Variants in DNAJB2 observed in about 807,000 individuals in gnomAD.
DNAJB2 encodes the protein DnaJ heat shock protein family (Hsp40) member B2, also known as dnaJ homolog subfamily B member 2.
In DNAJB2, 19 loss-of-function variants were observed where a neutral mutation model predicts 33.3. The observed-to-expected ratio is 0.57, with a 90% CI of 0.40 to 0.84. The LOEUF is 0.84. Among genes scored for constraint, DNAJB2 ranks in the 40% least tolerant of loss-of-function variants. The pLI, the probability that DNAJB2 is intolerant of heterozygous loss-of-function variation, is 0.00. For synonymous variants in DNAJB2, 172 were observed against 164.6 expected, an observed-to-expected ratio of 1.04 and a Z score of -0.34; for missense variants, 368 against 430.9, an observed-to-expected ratio of 0.85 and a Z score of 1.29.
chr2:219,283,893 A>C (rs1247532001), intron 8 of DNAJB2, among the ~76,000 whole-genome samples: 1 of 152,120 alleles, frequency 6.6e-6, no homozygotes, highest in Non-Finnish European at 1.5e-5. Flanking sequence ...CTTCCAAGTA[A>C]GGAGTAGAGC....
rs1347280199 is a variant in DNAJB2 at position 219,281,873 on chromosome 2, T to A, written c.230-66T>A. 18 of 1,588,734 alleles carry A rather than the reference T, an allele frequency of 1.1e-5. No homozygotes were observed. The East Asian group carries it at 4.2e-4, about 37-fold the overall frequency. ...CTCTCTCAGGCTCCTGGCTGTGCCTTAGGTGAGGTCCCCCGCTCAGGGCAG... is the reference window on the plus strand; with the variant it reads ...CTCTCTCAGGCTCCTGGCTGTGCCTAAGGTGAGGTCCCCCGCTCAGGGCAG... On this transcript the variant is annotated intron_variant, in intron 4 of 8. Coordinates refer to ENST00000336576, the MANE Select transcript of DNAJB2 (RefSeq NM_006736.6).
intron 3 of DNAJB2, 83 bp downstream of exon 3, chr2:219,280,770 G>A (rs1951897849): frequency 9.8e-7 from 1 of 1,023,802 alleles, no homozygotes; most frequent in Admixed American, 2.3e-5. Flanking sequence ...CAATGTCTCT[G>A]CCACCTAGTT....
At chr2:219,283,347 T>C in intron 7 of DNAJB2, 72 bp from the exon 8 acceptor site, 1 of 1,606,310 alleles carries the variant, frequency 6.2e-7, no homozygotes, top group Non-Finnish European at 8.5e-7. Context: ...TCTACTGCGG[T>C]GGCCAGAACT....
At chr2:219,280,904 G>A (rs1361906477) in intron 3 of DNAJB2, 2 of 561,838 alleles carry the variant, frequency 3.6e-6, no homozygotes, top group Admixed American at 3.2e-5. Flanking sequence ...AGGAAGCAGG[G>A]CAGGTAACTC....
At chr2:219,282,099 C>G in intron 5 of DNAJB2, 38 bp downstream of exon 5, 1 of 1,613,914 alleles carries the variant, frequency 6.2e-7, no homozygotes, top group Non-Finnish European at 8.5e-7. Flanking sequence ...GGCTCAACTT[C>G]CCCCTCCAGG....
chr2:219,279,427 AGCAGCCGCGAGCCGGGCTGCGG>A lies in DNAJB2; in HGVS notation c.-126_-105del. On this transcript the variant is annotated 5_prime_UTR_variant, in exon 1 of 9. The change creates a premature stop within an existing upstream ORF in the 5' untranslated region. Transcript: ENST00000336576. This position sits in a 1 kb window ranked among gnomAD's most constrained non-coding sequence, Gnocchi z 4.9. ...CAGCTGGGCCGGGCGCGTCCTACGC[AGCAGCCGCGAGCCGGGCTGCGG>A]GTGCCAGACGGTTCCCGGCGGGGGG... The A allele has an allele frequency of 5.7e-6, 1 of 176,292 alleles. No individual in the cohort carries two copies. Among genetic ancestry groups the A allele is most frequent in the Non-Finnish European group, 1.2e-5 (1 of 83,686 alleles). The allele number at this position is 176,292 out of a possible 1,614,324, so 10.9% of individuals were successfully genotyped here.
At position 219,286,181 on chromosome 2, in the gene DNAJB2, G is replaced by A; in HGVS notation, c.*1194G>A. 2 of 724,096 alleles carry A rather than the reference G, an allele frequency of 2.8e-6. No homozygotes were observed. The highest frequency in any genetic ancestry group is 2.8e-5 in the East Asian group (1 of 36,248). 44.9% of individuals were successfully genotyped at this position (724,096 alleles called of 1,614,324 possible). A position where few individuals can be genotyped will look rare whatever the true frequency, so the allele number is the denominator to read the frequency against. ...CTTAGCCTGTGCACTCTCTTCCTTG[G>A]GTGTTTGGTGCTGGCTCCTGGGGAC... On this transcript the variant is annotated 3_prime_UTR_variant, in exon 9 of 9. Transcript: ENST00000336576.
Position 219,280,689 on chromosome 2 carries a change from T to A in DNAJB2, c.175+2T>A, listed in dbSNP as rs562669797. The A allele has an allele frequency of 1.2e-5, 19 of 1,608,840 alleles. No homozygotes were observed. In the Admixed American group the frequency reaches 3.2e-4, roughly 27 times the overall value. On this transcript the variant is annotated splice_donor_variant, in intron 3 of 8. Coordinates refer to ENST00000336576, the MANE Select transcript of DNAJB2 (RefSeq NM_006736.6). LOFTEE classifies it high-confidence loss of function. The stretch of plus-strand genomic sequence containing the variant: ...AGGCATATGAAGTGCTGTCTGACAG[T>A]AAGGGCCGGGGTCAGGCAGGACCCA...
In DNAJB2 at chr2:219,281,749, C is replaced by T; in HGVS notation, c.207C>T (p.Gly69=). ...AGCGGGAGATTTACGACCGCTATGGCCGGGAAGGGCTGACAGGGACAGGTA... is the reference window on the plus strand; with the variant it reads ...AGCGGGAGATTTACGACCGCTATGGTCGGGAAGGGCTGACAGGGACAGGTA... ...KHKREIYDRY[G]REGLTGTGTG... Residue 69 remains glycine, a synonymous_variant, in exon 4 of 9, where the codon GGC becomes GGT. Coordinates refer to ENST00000336576, the MANE Select transcript of DNAJB2 (RefSeq NM_006736.6). 1 of 1,613,980 alleles carries T rather than the reference C, an allele frequency of 6.2e-7. No individual in the cohort carries two copies. The highest frequency in any genetic ancestry group is 1.1e-5 in the South Asian group (1 of 91,082).
chr2:219,279,898 C>G lies in DNAJB2; in HGVS notation c.65C>G (p.Ala22Gly). The G allele has an allele frequency of 6.2e-7, 1 of 1,613,900 alleles. No individual in the cohort carries two copies. The highest frequency in any genetic ancestry group is 8.5e-7 in the Non-Finnish European group (1 of 1,179,950). Residue 22 changes from alanine (A) to glycine (G), a missense_variant and splice_region_variant, in exon 2 of 9, where the codon GCG (alanine) becomes GGG (glycine). By Grantham distance (60) the Ala-to-Gly change is moderately conservative (BLOSUM62 0). Transcript: ENST00000336576. This position sits in a 1 kb window ranked among gnomAD's most constrained non-coding sequence, Gnocchi z 4.9. ...GCGTCCGCTGATGACATCAAGAAGG[C>G]GTAAGTGCCTCCGTATGCAACAGAA... is the stretch of plus-strand genomic sequence containing the variant. ...RSASADDIKK[A>G]YRRKALQWHP...
intron 3 of DNAJB2, chr2:219,280,950 G>A (rs1412151576): frequency 2.5e-5 from 12 of 482,146 alleles, no homozygotes; most frequent in Non-Finnish European, 4.5e-5. Context: ...AGGCATTGGT[G>A]GGTGTCATCT....
Position 219,285,026 on chromosome 2 carries a change from G to A in DNAJB2, c.*39G>A. ...CCTGATCTGATCCAGATCTTGACTG[G>A]GGGGTCTGACTCACTGTGGGAAGAG... On this transcript the variant is annotated 3_prime_UTR_variant, in exon 9 of 9. Coordinates refer to ENST00000336576, the MANE Select transcript of DNAJB2 (RefSeq NM_006736.6). The A allele has an allele frequency of 6.9e-7, 1 of 1,449,410 alleles. No homozygotes were observed. The highest frequency in any genetic ancestry group is 2.8e-5 in the Admixed American group (1 of 35,606). The allele number at this position is 1,449,410 out of a possible 1,614,324, so 89.8% of individuals were successfully genotyped here.
At position 219,279,869 on chromosome 2, in the gene DNAJB2, A is replaced by T; in HGVS notation, c.36A>T (p.Arg12=). The T allele has an allele frequency of 6.2e-7, 1 of 1,613,762 alleles. No homozygotes were observed. Among genetic ancestry groups the T allele is most frequent in the Non-Finnish European group, 8.5e-7 (1 of 1,179,950 alleles). Residue 12 remains arginine (R), a synonymous_variant, in exon 2 of 9, where the codon CGA becomes CGT. Transcript: ENST00000336576. This position sits in a 1 kb window ranked among gnomAD's most constrained non-coding sequence, Gnocchi z 4.9. ...ASYYEILDVP[R]SASADDIKKA... is the part of the protein sequence containing the mutation. The stretch of plus-strand genomic sequence containing the variant: ...ACTACGAGATCCTAGACGTGCCGCG[A>T]AGTGCGTCCGCTGATGACATCAAGA...
rs926038042 is a variant in DNAJB2, at chr2:219,286,408, G to A, written c.*1421G>A. On this transcript the variant is annotated 3_prime_UTR_variant, in exon 9 of 9. Coordinates refer to ENST00000336576, the MANE Select transcript of DNAJB2 (RefSeq NM_006736.6). ...GTTGTAGATGAAGGGGGAATGATCT[G>A]AGCCTTGGTTCCCCTGACACGTCTT... The A allele has an allele frequency of 2.7e-5, 5 of 183,526 alleles. No homozygotes were observed. The highest frequency in any genetic ancestry group is 5.8e-5 in the Non-Finnish European group (5 of 86,210). The allele number at this position is 183,526 out of a possible 1,614,324, so 11.4% of individuals were successfully genotyped here. A position where few individuals can be genotyped will look rare whatever the true frequency, so the allele number is the denominator to read the frequency against.
intron 2 of DNAJB2, chr2:219,280,152 T>G: frequency 2.9e-6 from 1 of 342,314 alleles, no homozygotes; most frequent in Non-Finnish European, 5.5e-6. Context: ...GATCTTCCCC[T>G]CCTCCTCCTC....
rs879943210 is a variant in DNAJB2, at chr2:219,286,211, A to G, written c.*1224A>G. 5.2e-6 allele frequency: 3 copies of G among 578,776 alleles called. No homozygotes were observed. The highest frequency in any genetic ancestry group is 8.9e-6 in the Non-Finnish European group (3 of 338,642). 35.9% of individuals were successfully genotyped at this position (578,776 alleles called of 1,614,324 possible). On this transcript the variant is annotated 3_prime_UTR_variant, in exon 9 of 9. Coordinates refer to ENST00000336576, the MANE Select transcript of DNAJB2 (RefSeq NM_006736.6). ...TTGGTGCTGGCTCCTGGGGACTACAAATCCCAGAGTGCGGTGTGCCCGGCC... is the reference window on the plus strand; with the variant it reads ...TTGGTGCTGGCTCCTGGGGACTACAGATCCCAGAGTGCGGTGTGCCCGGCC...
Position 219,282,056 on chromosome 2 carries a change from T to C in DNAJB2, c.347T>C (p.Leu116Pro), listed in dbSNP as rs750930950. The change falls in exon 5 of 9, where the codon CTC (leucine) becomes CCC (proline). Residue 116 changes from leucine to proline, a missense_variant. Transcript: ENST00000336576. Reference sequence around the variant, plus strand: ...GGGAGTGGAGACCCTTTTGCAGAGCTCTTTGGTGAGTGGACTCTGGAAGCC... The same window carrying C: ...GGGAGTGGAGACCCTTTTGCAGAGCCCTTTGGTGAGTGGACTCTGGAAGCC... ...FFGSGDPFAE[L>P]FDDLGPFSEL... The C allele has an allele frequency of 6.2e-7, 1 of 1,614,068 alleles. No individual in the cohort carries two copies. Among genetic ancestry groups the C allele is most frequent in the Non-Finnish European group, 8.5e-7 (1 of 1,180,018 alleles).
At position 219,281,724 on chromosome 2, in the gene DNAJB2, A is replaced by C; in HGVS notation, c.182A>C (p.Lys61Thr). ...EAYEVLSDKH[K>T]REIYDRYGRE... ...ATCTGGTCTCTTTTTGCAGAGCACAAGCGGGAGATTTACGACCGCTATGGC... is the reference window on the plus strand; with the variant it reads ...ATCTGGTCTCTTTTTGCAGAGCACACGCGGGAGATTTACGACCGCTATGGC... Residue 61 changes from lysine to threonine, a missense_variant, in exon 4 of 9, where the codon AAG becomes ACG. Coordinates refer to ENST00000336576, the MANE Select transcript of DNAJB2 (RefSeq NM_006736.6). 6.2e-7 allele frequency: 1 copy of C among 1,614,010 alleles called. No homozygotes were observed. Among genetic ancestry groups the C allele is most frequent in the Non-Finnish European group, 8.5e-7 (1 of 1,180,018 alleles).
chr2:219,282,194 G>A (rs1458712513), intron 5 of DNAJB2, 133 bp downstream of exon 5: 12 of 1,490,078 alleles, frequency 8.1e-6, no homozygotes, highest in Non-Finnish European at 1.1e-5. Flanking sequence ...TTGTGGAGCT[G>A]GGTCCAGTGA....
Sources: allele counts gnomAD v4.1 joint callset (sites outside exome capture counted in the v4.1 genomes callset), GRCh38; gene constraint gnomAD v4.1.1; non-coding constraint Gnocchi (gnomAD v3.1); transcripts MANE v1.5; gene names NCBI Gene and HGNC (gene_info 2026-07-23, HGNC 2026-07-21).